MAN1A1: variants seen among roughly 807,000 people sequenced by gnomAD.
MAN1A1 encodes the protein mannosidase alpha class 1A member 1.
A neutral mutation model predicts 70.8 loss-of-function variants in MAN1A1; 29 were observed. The ratio of observed to expected loss-of-function variants is 0.41; its 90% CI spans 0.31 to 0.56. The LOEUF is 0.56. Ranked by LOEUF, MAN1A1 falls within the 20% of genes least tolerant of loss-of-function variation. The pLI, the probability that MAN1A1 is intolerant of heterozygous loss-of-function variation, is 0.29. For missense variants in MAN1A1, 747 were observed against 841.3 expected, an observed-to-expected ratio of 0.89 and a Z score of 1.39; for synonymous variants, 349 against 330.1, an observed-to-expected ratio of 1.06 and a Z score of -0.62.
intron 8 of MAN1A1, 84 bp from the exon 9 acceptor site, chr6:119,193,976 C>A (rs1048355101): frequency 1.3e-6 from 1 of 745,420 alleles, no homozygotes; most frequent in Non-Finnish European, 2.3e-6. Context: ...AACTAGGATG[C>A]AACCCTATGT....
At chr6:119,282,594 A>G (rs1392782379) in intron 5 of MAN1A1, among the ~76,000 whole-genome samples, 2 of 152,258 alleles carry the variant, frequency 1.3e-5, no homozygotes, top group East Asian at 3.8e-4. Flanking sequence ...TTACTGAATT[A>G]AACTTTTAAA....
chr6:119,195,358 T>G (rs1300495446), intron 8 of MAN1A1, among the ~76,000 whole-genome samples: 1 of 152,160 alleles, frequency 6.6e-6, no homozygotes, highest in African/African-American at 2.4e-5. Context: ...TCAGGTTCCA[T>G]CTCATCTCAG....
intron 6 of MAN1A1, among the ~76,000 whole-genome samples, chr6:119,246,348 T>C (rs1291152967): frequency 1.3e-5 from 2 of 152,156 alleles, no homozygotes; most frequent in Non-Finnish European, 2.9e-5. Context: ...GGTCTTCCAT[T>C]GTACTGTTAG....
chr6:119,290,733 T>C lies in MAN1A1; in HGVS notation c.847A>G (p.Ile283Val), dbSNP rs778708600. ...NAEISVFEVN[I>V]RFVGGLLSAY... ...GAGAGTAGTCCACCAACAAAGCGTATATTTACTTCAAAGACAGAAATTTCA... is the reference window on the plus strand; with the variant it reads ...GAGAGTAGTCCACCAACAAAGCGTACATTTACTTCAAAGACAGAAATTTCA... The change falls in exon 5 of 13, where the codon ATA (isoleucine) becomes GTA (valine). Residue 283 changes from isoleucine (I) to valine (V), a missense_variant. This residue lies in a region of MAN1A1 where 419 missense variants were observed against 548.2 expected (regional missense o/e 0.76). Transcript: ENST00000368468. 6.2e-7 allele frequency: 1 copy of C among 1,611,296 alleles called. No homozygotes were observed. The highest frequency in any genetic ancestry group is 8.5e-7 in the Non-Finnish European group (1 of 1,178,284).
chr6:119,233,769 C>G (rs9481892), intron 6 of MAN1A1, among the ~76,000 whole-genome samples: 63,689 of 152,040 alleles, frequency 0.42, 13,819 homozygotes, highest in East Asian at 0.67. Flanking sequence ...CTTGCAGAGA[C>G]TCCACAATAA....
chr6:119,260,899 AAAT>A (rs1464109024), intron 5 of MAN1A1, among the ~76,000 whole-genome samples: 1 of 152,114 alleles, frequency 6.6e-6, no homozygotes, highest in Non-Finnish European at 1.5e-5. Context: ...ATACAAACAC[AAAT>A]AATAACAAGA....
intron 5 of MAN1A1, among the ~76,000 whole-genome samples, chr6:119,285,136 A>ATTTTTTTTT (rs1776331099): frequency 1.3e-5 from 1 of 76,192 alleles, no homozygotes; most frequent in Non-Finnish European, 3.1e-5. Context: ...GAGGTAGCAG[A>ATTTTTTTTT]CTTTTTTTTT....
chr6:119,257,702 G>A (rs1582741872), intron 5 of MAN1A1, among the ~76,000 whole-genome samples: 1 of 152,112 alleles, frequency 6.6e-6, no homozygotes, highest in Non-Finnish European at 1.5e-5. Flanking sequence ...CAATATGGAA[G>A]TTAAAAAAGG....
intron 5 of MAN1A1, among the ~76,000 whole-genome samples, chr6:119,256,411 A>ATTT (rs372688734): frequency 5.9e-5 from 7 of 117,882 alleles, no homozygotes; most frequent in Admixed American, 8.1e-5. Context: ...ATTGTATCTC[A>ATTT]TTATTTTTTT....
chr6:119,183,332 T>A (rs1375301951), intron 11 of MAN1A1, among the ~76,000 whole-genome samples: 1 of 152,174 alleles, frequency 6.6e-6, no homozygotes, highest in Non-Finnish European at 1.5e-5. Context: ...AAATTCTAAG[T>A]TCCAGACAGT....
At chr6:119,276,455 G>C (rs532827026) in intron 5 of MAN1A1, among the ~76,000 whole-genome samples, 1 of 152,300 alleles carries the variant, frequency 6.6e-6, no homozygotes, top group East Asian at 1.9e-4. Context: ...AATCATAAGG[G>C]ACTAGACATG....
chr6:119,232,681 G>A (rs1453335274), intron 6 of MAN1A1, among the ~76,000 whole-genome samples: 6 of 28,486 alleles, frequency 2.1e-4, no homozygotes, highest in South Asian at 1.5e-3. Context: ...ACATATATAT[G>A]TGTGTGTGTG....
Position 119,248,371 on chromosome 6 carries a change from T to A in MAN1A1, c.898-17A>T. On this transcript the variant is annotated splice_polypyrimidine_tract_variant and intron_variant, in intron 5 of 12. Transcript: ENST00000368468. ...TCGAAAAATCTGAAAAGTCAAACAG[T>A]TAACTGTAAGCTACTGTTGCAAGCA... The A allele has an allele frequency of 7.0e-7, 1 of 1,429,444 alleles. No individual in the cohort carries two copies. Among genetic ancestry groups the A allele is most frequent in the Non-Finnish European group, 9.9e-7 (1 of 1,011,700 alleles). The allele number at this position is 1,429,444 out of a possible 1,614,324, so 88.5% of individuals were successfully genotyped here.
intron 2 of MAN1A1, among the ~76,000 whole-genome samples, chr6:119,320,213 C>CT (rs1216178842): frequency 1.3e-5 from 2 of 152,138 alleles, no homozygotes; most frequent in Non-Finnish European, 2.9e-5. Flanking sequence ...ACCTCGTGAT[C>CT]TGCCTGCCTC....
intron 6 of MAN1A1, among the ~76,000 whole-genome samples, chr6:119,222,832 T>C (rs374196645): frequency 1.2e-4 from 19 of 152,170 alleles, no homozygotes; most frequent in East Asian, 9.6e-4. Flanking sequence ...GCTTCTCTGG[T>C]GGCAGAATCT....
chr6:119,326,027 T>C (rs981110416), intron 2 of MAN1A1, among the ~76,000 whole-genome samples: 12 of 152,194 alleles, frequency 7.9e-5, no homozygotes, highest in African/African-American at 2.9e-4. Flanking sequence ...TGTTGTTAGG[T>C]CCAGGGTCAG....
chr6:119,273,819 G>C (rs1775986317), intron 5 of MAN1A1, among the ~76,000 whole-genome samples: 1 of 152,154 alleles, frequency 6.6e-6, no homozygotes, highest in Non-Finnish European at 1.5e-5. Flanking sequence ...AAAAGGTTGG[G>C]GGAGAGGAGT....
intron 6 of MAN1A1, among the ~76,000 whole-genome samples, chr6:119,240,919 C>T (rs1774986309): frequency 6.6e-6 from 1 of 152,152 alleles, no homozygotes; most frequent in Non-Finnish European, 1.5e-5. Context: ...CCCTCCTGCT[C>T]ATCTGGTGGG....
intron 5 of MAN1A1, among the ~76,000 whole-genome samples, chr6:119,284,298 T>G (rs998424326): frequency 2.0e-5 from 3 of 152,168 alleles, no homozygotes; most frequent in Admixed American, 2.0e-4. Context: ...AAGCACCATT[T>G]CCATGTGCCA....
Sources: gnomAD v4.1 joint callset for allele counts (sites outside exome capture counted in the v4.1 genomes callset) on GRCh38, gnomAD v4.1.1 for gene constraint, gnomAD v4.1.1 regional missense constraint, MANE v1.5 for transcripts, NCBI Gene and HGNC (gene_info 2026-07-23, HGNC 2026-07-21) for gene names.